The following GIPR variants were observed in gnomAD, a reference collection of about 807,000 sequenced individuals.
GIPR encodes the protein GIP-R.
GIPR carries 74 observed loss-of-function variants against 62.2 expected under a neutral mutation model. The observed-to-expected ratio is 1.19, with a 90% CI of 0.99 to 1.44. The LOEUF (loss-of-function observed/expected upper bound fraction) is 1.44, where lower values mean the gene tolerates loss of function less well. GIPR is among the 40% of genes most tolerant of loss of function. The pLI, the probability that GIPR is intolerant of heterozygous loss-of-function variation, is 0.00. For missense variants in GIPR, 664 were observed against 611.8 expected (o/e 1.09, Z -0.90); for synonymous variants, 256 against 262.2 (o/e 0.98, Z 0.23).
Position 45,681,906 on chromosome 19 carries a change from G to A in GIPR, c.1372G>A (p.Ala458Thr), listed in dbSNP as rs1323112980. The change falls in exon 14 of 14, where the codon GCC becomes ACC. Residue 458 changes from alanine (A) to threonine (T), a missense_variant. Transcript: ENST00000590918. ...SGTLPGPGNEASRELESYC is the reference protein window; with the variant it reads ...SGTLPGPGNETSRELESYC ...GACCCTCCCAGGGCCTGGGAATGAG[G>A]CCAGCCGGGAGTTGGAAAGTTACTG... 1 of 1,560,524 alleles carries A rather than the reference G, an allele frequency of 6.4e-7. No individual in the cohort carries two copies. Among genetic ancestry groups the A allele is most frequent in the Non-Finnish European group, 8.7e-7 (1 of 1,151,620 alleles).
At chr19:45,673,041 T>C in intron 5 of GIPR, 87 bp downstream of exon 5, 2 of 801,268 alleles carry the variant, frequency 2.5e-6, no homozygotes, top group Admixed American at 1.8e-5. Context: ...CCCCTTGGAC[T>C]GTTCAGACCT....
intron 4 of GIPR, 118 bp downstream of exon 4, chr19:45,671,510 GC>G: frequency 4.1e-6 from 3 of 724,236 alleles, no homozygotes; most frequent in Middle Eastern, 2.3e-4. Flanking sequence ...GCTCCTCTTT[GC>G]CCCCTACTCC....
Position 45,681,821 on chromosome 19 carries a change from G to C in GIPR, c.1287G>C (p.Arg429=). ...GCCAGCTCCCGGAGCGCGCCTTCCG[G>C]GCCCTGCCCTCCGGCTCCGGCCCGG... ...EQRQLPERAF[R]ALPSGSGPGE... Residue 429 remains arginine (R), a synonymous_variant, in exon 14 of 14, where the codon CGG becomes CGC. Coordinates refer to ENST00000590918, the MANE Select transcript of GIPR (RefSeq NM_000164.4). 2 of 1,561,514 alleles carry C rather than the reference G, an allele frequency of 1.3e-6. No homozygotes were observed. Among genetic ancestry groups the C allele is most frequent in the Non-Finnish European group, 8.7e-7 (1 of 1,152,714 alleles).
chr19:45,668,880 C>G (rs1329149696), intron 1 of GIPR, among the ~76,000 whole-genome samples: 1 of 152,178 alleles, frequency 6.6e-6, no homozygotes, highest in African/African-American at 2.4e-5. Flanking sequence ...CTACCCCCAG[C>G]GGGGAAAGTT....
chr19:45,676,456 C>G (rs1199573424), intron 7 of GIPR, among the ~76,000 whole-genome samples: 3 of 84,102 alleles, frequency 3.6e-5, no homozygotes, highest in African/African-American at 1.4e-4. Flanking sequence ...TTTTTTGAGA[C>G]GGAGTCTCCC....
intron 4 of GIPR, 82 bp from the exon 5 acceptor site, chr19:45,672,769 C>T: frequency 1.2e-6 from 1 of 817,184 alleles, no homozygotes; most frequent in Non-Finnish European, 2.1e-6. Flanking sequence ...CTCTCTCCCT[C>T]TCTGTTATTG....
At chr19:45,681,092 G>C (rs1295084729) in intron 12 of GIPR, among the ~76,000 whole-genome samples, 1 of 152,158 alleles carries the variant, frequency 6.6e-6, no homozygotes, top group African/African-American at 2.4e-5. Context: ...AGTGGGGTTG[G>C]TGTGGGGGAA....
chr19:45,678,127 T>TA lies in GIPR; in HGVS notation c.1053_1054insA (p.Val352SerfsTer26). 2 of 1,612,620 alleles carry TA rather than the reference T, an allele frequency of 1.2e-6. No homozygotes were observed. Among genetic ancestry groups the TA allele is most frequent in the Non-Finnish European group, 1.7e-6 (2 of 1,179,736 alleles). The stretch of plus-strand genomic sequence containing the variant: ...CGCTGACGCTGGTGCCCCTGCTGGG[T>TA]GTCCACGAGGTGGTGTTTGCTCCCG... On this transcript the variant is annotated frameshift_variant, in exon 12 of 14. Transcript: ENST00000590918. LOFTEE classifies it high-confidence loss of function.
chr19:45,670,319 A>G, intron 2 of GIPR: 2 of 273,252 alleles, frequency 7.3e-6, no homozygotes, highest in Non-Finnish European at 1.4e-5. Flanking sequence ...GGCGTGAGCC[A>G]CCGCGCCCGG....
intron 7 of GIPR, among the ~76,000 whole-genome samples, chr19:45,675,834 G>A (rs1253253337): frequency 6.6e-6 from 1 of 152,172 alleles, no homozygotes; most frequent in Non-Finnish European, 1.5e-5. Flanking sequence ...GCTGCAGTGA[G>A]CTGTGATGCT....
chr19:45,670,921 A>G (rs1011912975), intron 3 of GIPR, among the ~76,000 whole-genome samples, 187 bp downstream of exon 3: 7 of 150,776 alleles, frequency 4.6e-5, no homozygotes, highest in Admixed American at 4.0e-4. Flanking sequence ...CCTGGGAGGA[A>G]GCTTGAAATG....
chr19:45,674,105 T>G lies in GIPR; in HGVS notation c.416T>G (p.Val139Gly). 6.2e-7 allele frequency: 1 copy of G among 1,613,410 alleles called. No homozygotes were observed. The highest frequency in any genetic ancestry group is 2.2e-5 in the East Asian group (1 of 44,866). The change falls in exon 6 of 14, where the codon GTC (valine) becomes GGC (glycine). Residue 139 changes from valine to glycine, a missense_variant. By Grantham distance (109) the Val-to-Gly change is moderately radical (BLOSUM62 -3). Transcript: ENST00000590918. ...DQRLILERLQ[V>G]MYTVGYSLSL... ...AGGCTCATCTTGGAGCGGTTGCAGG[T>G]CATGTACACTGTCGGCTACTCCCTG...
At chr19:45,677,500 G>T in intron 9 of GIPR, 117 bp downstream of exon 9, 1 of 874,036 alleles carries the variant, frequency 1.1e-6, no homozygotes, top group Non-Finnish European at 1.9e-6. Flanking sequence ...GGGGATACGT[G>T]GGCGGGATCC....
At chr19:45,673,355 G>A (rs1487491288) in intron 5 of GIPR, among the ~76,000 whole-genome samples, 1 of 149,984 alleles carries the variant, frequency 6.7e-6, no homozygotes, top group Non-Finnish European at 1.5e-5. Context: ...AGGAGGCAGA[G>A]GTTGCAGTGA....
At chr19:45,678,478 C>A in intron 12 of GIPR, 1 of 556,250 alleles carries the variant, frequency 1.8e-6, no homozygotes, top group East Asian at 3.2e-5. Context: ...ATTCTCCTGC[C>A]TCAGCCTCTA....
In GIPR at chr19:45,672,881, G is replaced by T. The variant is rs553327970; in HGVS notation, c.311G>T (p.Gly104Val). 7 of 1,613,202 alleles carry T rather than the reference G, an allele frequency of 4.3e-6. No homozygotes were observed. In the African/African-American group the frequency reaches 9.3e-5, roughly 22 times the overall value. ...GCAGGTTTCGTCCTCCGCCAGTGTG[G>T]CAGTGATGGCCAATGGGGACTTTGG... ...VAAGFVLRQCGSDGQWGLWRD... is the reference protein window; with the variant it reads ...VAAGFVLRQCVSDGQWGLWRD... Residue 104 changes from glycine (G) to valine (V), a missense_variant, in exon 5 of 14, where the codon GGC becomes GTC. Physicochemically the swap from Gly to Val is moderately radical, Grantham distance 109 (BLOSUM62 -3). Transcript: ENST00000590918.
At chr19:45,670,783 G>A (rs371179322) in intron 3 of GIPR, 49 bp downstream of exon 3, 9 of 1,169,618 alleles carry the variant, frequency 7.7e-6, no homozygotes, top group Non-Finnish European at 1.0e-5. Flanking sequence ...GGCTGAGAGG[G>A]GTGGGCTTGG....
intron 4 of GIPR, chr19:45,672,606 T>C: frequency 2.3e-6 from 1 of 444,216 alleles, no homozygotes; most frequent in Non-Finnish European, 4.2e-6. Flanking sequence ...CGCCCAGCCT[T>C]AACATTTTGT....
Position 45,681,968 on chromosome 19 carries a change from TG to T in GIPR, c.*35del. On this transcript the variant is annotated 3_prime_UTR_variant, in exon 14 of 14. Transcript: ENST00000590918. ...GATCCCCGTGTCTGTTCAGTTAGCA[TG>T]GATTTATTGAGTGCCAACTGCGTGC... 1 of 1,515,198 alleles carries T rather than the reference TG, an allele frequency of 6.6e-7. No homozygotes were observed. Among genetic ancestry groups the T allele is most frequent in the Non-Finnish European group, 9.0e-7 (1 of 1,113,654 alleles). 93.9% of individuals were successfully genotyped at this position (1,515,198 alleles called of 1,614,324 possible).
Sources: allele counts gnomAD v4.1 joint callset (sites outside exome capture counted in the v4.1 genomes callset), GRCh38; gene constraint gnomAD v4.1.1; transcripts MANE v1.5; gene names NCBI Gene and HGNC (gene_info 2026-07-23, HGNC 2026-07-21).